Variants in CCDC73 observed in about 807,000 individuals in gnomAD.
CCDC73 encodes coiled-coil domain-containing protein 73.
In CCDC73, 95 loss-of-function variants were observed where a neutral mutation model predicts 116.5. The observed-to-expected ratio is 0.82, with a 90% CI of 0.69 to 0.97. The LOEUF is 0.97. Ranked by LOEUF, CCDC73 falls within the 50% of genes least tolerant of loss-of-function variation. The pLI is 0.00. For synonymous variants in CCDC73, 398 were observed against 401.3 expected (o/e 0.99, Z 0.10); for missense variants, 1,066 against 1,206.8 (o/e 0.88, Z 1.73).
chr11:32,750,805 A>G (rs1850281818), intron 2 of CCDC73, among the ~76,000 whole-genome samples: 1 of 151,920 alleles, frequency 6.6e-6, no homozygotes, highest in Non-Finnish European at 1.5e-5. Context: ...GCTCTTCCCC[A>G]CTGTAGCCAA....
At chr11:32,761,872 G>A (rs1850395416) in intron 1 of CCDC73, among the ~76,000 whole-genome samples, 1 of 152,146 alleles carries the variant, frequency 6.6e-6, no homozygotes, top group Admixed American at 6.5e-5. Flanking sequence ...AGAGACTCAG[G>A]AAAGAGTGGA....
At position 32,654,946 on chromosome 11, in the gene CCDC73, CAA is replaced by C; in HGVS notation, c.670_671del (p.Leu224AspfsTer10). 1 of 1,601,950 alleles carries C rather than the reference CAA, an allele frequency of 6.2e-7. No homozygotes were observed. The highest frequency in any genetic ancestry group is 1.1e-5 in the South Asian group (1 of 87,974). ...ATTGACATGTGACTTTGGACTTTATCAAGTCTGAGGCTGCTTTTTTTAGTTCC... is the reference window on the plus strand; with the variant it reads ...ATTGACATGTGACTTTGGACTTTATCGTCTGAGGCTGCTTTTTTTAGTTCC... ...KKELKKAASDLIKSKVTCQYK... is the reference protein window; with the variant it reads ...KKELKKAASDXIKSKVTCQYK... On this transcript the variant is annotated frameshift_variant, in exon 10 of 18. Coordinates refer to ENST00000335185, the MANE Select transcript of CCDC73 (RefSeq NM_001008391.4). LOFTEE classifies it high-confidence loss of function.
chr11:32,732,141 T>G (rs1018098807), intron 2 of CCDC73, among the ~76,000 whole-genome samples: 7 of 152,170 alleles, frequency 4.6e-5, no homozygotes, highest in Admixed American at 2.0e-4. Context: ...CAGTAGCTGA[T>G]TCGATCAACT....
At chr11:32,756,838 C>T (rs1180898814) in intron 2 of CCDC73, among the ~76,000 whole-genome samples, 1 of 151,954 alleles carries the variant, frequency 6.6e-6, no homozygotes, top group Non-Finnish European at 1.5e-5. Flanking sequence ...AAAAAGATCT[C>T]TTCAGAAACT....
chr11:32,779,487 C>T (rs757378783), intron 1 of CCDC73, among the ~76,000 whole-genome samples: 1 of 152,142 alleles, frequency 6.6e-6, no homozygotes, highest in Non-Finnish European at 1.5e-5. Context: ...TTTGCCTATG[C>T]TACCTCAATA....
the CCDC73 span, among the ~76,000 whole-genome samples, chr11:32,815,938 G>T: frequency 6.6e-6 from 1 of 152,108 alleles, no homozygotes; most frequent in Non-Finnish European, 1.5e-5. Context: ...GTAAGGAATG[G>T]GTATAAAAAG....
intron 2 of CCDC73, among the ~76,000 whole-genome samples, chr11:32,733,646 G>A (rs1363188099): frequency 6.6e-6 from 1 of 152,154 alleles, no homozygotes; most frequent in East Asian, 1.9e-4. Context: ...CATGGAAACT[G>A]AACAACCTGC....
At chr11:32,730,949 G>A (rs923438327) in intron 2 of CCDC73, among the ~76,000 whole-genome samples, 13 of 152,154 alleles carry the variant, frequency 8.5e-5, no homozygotes, top group Non-Finnish European at 1.3e-4. Flanking sequence ...TGCAGCCCAC[G>A]GACCATGAGC....
chr11:32,789,969 C>T (rs183741610), intron 1 of CCDC73, among the ~76,000 whole-genome samples: 57 of 152,040 alleles, frequency 3.7e-4, no homozygotes, highest in Non-Finnish European at 1.5e-5. Context: ...AAAGACAAGA[C>T]ATTAGTAAAA....
intron 2 of CCDC73, among the ~76,000 whole-genome samples, chr11:32,722,443 AT>A (rs1849998097): frequency 6.6e-6 from 1 of 152,186 alleles, no homozygotes; most frequent in Non-Finnish European, 1.5e-5. Context: ...GTGAGGACTT[AT>A]CTGACTCACA....
the CCDC73 span, among the ~76,000 whole-genome samples, chr11:32,803,973 AT>A: frequency 1.3e-5 from 2 of 149,672 alleles, no homozygotes; most frequent in South Asian, 2.1e-4. Flanking sequence ...CACCTACCTA[AT>A]TTTTTTTTTA....
intron 9 of CCDC73, among the ~76,000 whole-genome samples, chr11:32,661,458 AC>A (rs1375547894): frequency 1.1e-5 from 1 of 87,038 alleles, no homozygotes; most frequent in Non-Finnish European, 2.3e-5. Flanking sequence ...CCCTCCCCCA[AC>A]CCCATGACAG....
intron 14 of CCDC73, among the ~76,000 whole-genome samples, chr11:32,630,132 T>C (rs1258895733): frequency 1.3e-5 from 2 of 152,104 alleles, no homozygotes; most frequent in African/African-American, 4.8e-5. Context: ...TTATAACATA[T>C]AGAAGTAAAA....
intron 1 of CCDC73, among the ~76,000 whole-genome samples, chr11:32,793,188 G>A (rs1252449636): frequency 3.3e-5 from 5 of 152,136 alleles, no homozygotes; most frequent in African/African-American, 1.2e-4. Flanking sequence ...CATCAAAGTG[G>A]GGAATCTAAT....
chr11:32,797,084 A>T (rs562739116), upstream of CCDC73, among the ~76,000 whole-genome samples: 8 of 151,374 alleles, frequency 5.3e-5, no homozygotes, highest in Non-Finnish European at 1.0e-4. Flanking sequence ...CACTTTGGGG[A>T]TATCACTTTC....
intron 2 of CCDC73, among the ~76,000 whole-genome samples, chr11:32,729,776 T>C (rs943420546): frequency 1.3e-5 from 2 of 152,220 alleles, no homozygotes; most frequent in African/African-American, 4.8e-5. Context: ...CATTCTAGCC[T>C]TCCCCTTGGC....
intron 2 of CCDC73, among the ~76,000 whole-genome samples, chr11:32,730,022 G>A (rs573704035): frequency 6.6e-6 from 1 of 152,162 alleles, no homozygotes; most frequent in East Asian, 1.9e-4. Context: ...CCCCTACTCT[G>A]CTCACTGAAG....
At position 32,760,143 on chromosome 11, in the gene CCDC73, A is replaced by G. The variant is rs199914910; in HGVS notation, c.101T>C (p.Leu34Ser). 7.2e-5 allele frequency: 115 copies of G among 1,605,818 alleles called. No individual in the cohort carries two copies. Among genetic ancestry groups the G allele is most frequent in the Admixed American group, 1.4e-4 (8 of 58,132 alleles). ...SIQLLDFKTS[L>S]LEALEELRMR... ...ACGCAATTCTTCTAATGCCTCCAGT[A>G]AACTTGTTTTGAAATCTAATAGCTG... Residue 34 changes from leucine (L) to serine (S), a missense_variant, in exon 2 of 18, where the codon TTA becomes TCA. Transcript: ENST00000335185.
chr11:32,650,406 G>C (rs1194198554), intron 12 of CCDC73, among the ~76,000 whole-genome samples: 1 of 152,032 alleles, frequency 6.6e-6, no homozygotes, highest in Non-Finnish European at 1.5e-5. Context: ...ATTGTGTTTG[G>C]CCTAAAAATC....
Sources: allele counts gnomAD v4.1 joint callset (sites outside exome capture counted in the v4.1 genomes callset), GRCh38; gene constraint gnomAD v4.1.1; transcripts MANE v1.5; gene names NCBI Gene and HGNC (gene_info 2026-07-23, HGNC 2026-07-21).